The following COL7A1 variants were observed in gnomAD, a reference collection of about 807,000 sequenced individuals.
The protein encoded by COL7A1 is collagen alpha-1(VII) chain.
In COL7A1, 296 loss-of-function variants were observed where a neutral mutation model predicts 456.2. The observed-to-expected ratio is 0.65, with a 90% CI of 0.59 to 0.71. The LOEUF is 0.71. COL7A1 is among the 30% of genes least tolerant of loss of function. The probability of loss-of-function intolerance (pLI) is 0.00; values close to 1 mark genes in which losing one functional copy is unlikely to be tolerated. For missense variants in COL7A1, 3,441 were observed against 4,017.2 expected (o/e 0.86, Z 3.88); for synonymous variants, 1,464 against 1,525.9 (o/e 0.96, Z 0.95).
Position 48,568,457 on chromosome 3 carries a change from C to T in COL7A1, c.7794+42G>A, listed in dbSNP as rs778769357. 3 of 1,577,088 alleles carry T rather than the reference C, an allele frequency of 1.9e-6. No homozygotes were observed. Among genetic ancestry groups the T allele is most frequent in the Non-Finnish European group, 8.6e-7 (1 of 1,156,590 alleles). On this transcript the variant is annotated intron_variant, in intron 105 of 118. Coordinates refer to ENST00000681320, the MANE Select transcript of COL7A1 (RefSeq NM_000094.4). The surrounding 1 kb of genome is among the most constrained non-coding windows in gnomAD (Gnocchi z 5.2). ...TGGGACCACCATGGTGACGGGGGCC[C>T]TCTGGGGACAGGGGGCCCCTGTGGG... is the stretch of plus-strand genomic sequence containing the variant.
chr3:48,568,306 G>C lies in COL7A1; in HGVS notation c.7795-136C>G. 1 of 1,143,456 alleles carries C rather than the reference G, an allele frequency of 8.7e-7. No individual in the cohort carries two copies. The highest frequency in any genetic ancestry group is 2.4e-5 in the East Asian group (1 of 41,276). 70.8% of individuals were successfully genotyped at this position (1,143,456 alleles called of 1,614,324 possible). Reference sequence around the variant, plus strand: ...CCAGAGCCACTGGGGCTTGCCATGGGGACAAGGGTCACCATAGGCAGGGGA... The same window carrying C: ...CCAGAGCCACTGGGGCTTGCCATGGCGACAAGGGTCACCATAGGCAGGGGA... On this transcript the variant is annotated intron_variant, in intron 105 of 118. Coordinates refer to ENST00000681320, the MANE Select transcript of COL7A1 (RefSeq NM_000094.4). This position sits in a 1 kb window ranked among gnomAD's most constrained non-coding sequence, Gnocchi z 5.2.
In COL7A1 at chr3:48,588,346, C is replaced by T. The variant is rs770229628; in HGVS notation, c.2646G>A (p.Ser882=). ...TLHVVQRGEH[S]LRLRWEPVPR... ...GCACCGGCTCCCAGCGCAGCCTCAG[C>T]GAGTGCTCCCCGCGCTGCACCACGT... The change falls in exon 21 of 119, where the codon TCG becomes TCA. Residue 882 remains serine, a synonymous_variant. Transcript: ENST00000681320. The surrounding 1 kb of genome is among the most constrained non-coding windows in gnomAD (Gnocchi z 4.6). 1.9e-5 allele frequency: 30 copies of T among 1,612,602 alleles called. 1 individual carries two copies. Among genetic ancestry groups the T allele is most frequent in the African/African-American group, 6.7e-5 (5 of 74,912 alleles).
intron 44 of COL7A1, 23 bp from the exon 45 acceptor site, chr3:48,582,676 C>G: frequency 6.2e-7 from 1 of 1,612,766 alleles, no homozygotes; most frequent in Non-Finnish European, 8.5e-7. Context: ...AAGGGAAGAG[C>G]TGTGCAGGTG....
At chr3:48,582,410 C>T in intron 46 of COL7A1, 52 bp from the exon 47 acceptor site, 2 of 1,614,086 alleles carry the variant, frequency 1.2e-6, no homozygotes, top group Non-Finnish European at 8.5e-7. Context: ...CCTAGGAGCC[C>T]AAAATCCCAG....
chr3:48,584,846 G>A, intron 34 of COL7A1, 64 bp downstream of exon 34: 6 of 1,613,802 alleles, frequency 3.7e-6, no homozygotes, highest in Non-Finnish European at 5.1e-6. Context: ...ACCACCCCAG[G>A]CTCCCACCCT....
At position 48,580,077 on chromosome 3, in the gene COL7A1, T is replaced by C; in HGVS notation, c.5098-20A>G. On this transcript the variant is annotated intron_variant, in intron 56 of 118. Transcript: ENST00000681320. This position sits in a 1 kb window ranked among gnomAD's most constrained non-coding sequence, Gnocchi z 4.5. Reference sequence around the variant, plus strand: ...GGGACCCTGGGAAAGGAAATGATTATAGTCAATAGGAGCCCTCAGGTCCCA... The same window carrying C: ...GGGACCCTGGGAAAGGAAATGATTACAGTCAATAGGAGCCCTCAGGTCCCA... The C allele has an allele frequency of 1.9e-6, 3 of 1,613,534 alleles. No homozygotes were observed. Among genetic ancestry groups the C allele is most frequent in the East Asian group, 4.5e-5 (2 of 44,856 alleles).
rs1473147731 is a variant in COL7A1, at chr3:48,564,950, G to A, written c.8651C>T (p.Ser2884Phe). The A allele has an allele frequency of 5.6e-6, 9 of 1,614,206 alleles. No individual in the cohort carries two copies. In the Admixed American group the frequency reaches 6.7e-5, roughly 12 times the overall value. The stretch of plus-strand genomic sequence containing the variant: ...CCAGCGCAGGGTGTAGGCAGTGCAG[G>A]AGCCCTCATCCAGTGGCAGGGAACA... ...DPCSLPLDEG[S>F]CTAYTLRWYH... is the part of the protein sequence containing the mutation. Residue 2884 changes from serine (S) to phenylalanine (F), a missense_variant, in exon 118 of 119, where the codon TCC (serine) becomes TTC (phenylalanine). Around this residue, in one of 3 missense-constraint regions of COL7A1, gnomAD observed 2,084 missense variants for 2,501.3 expected, o/e 0.83. Transcript: ENST00000681320. This position sits in a 1 kb window ranked among gnomAD's most constrained non-coding sequence, Gnocchi z 6.0.
In COL7A1 at chr3:48,579,902, G is replaced by C; in HGVS notation, c.5125-88C>G. ...ATACAGGGTCTGTGAGGGGCTCCAG[G>C]GATCCGCGGAGGTTTCAGAGGGACA... On this transcript the variant is annotated intron_variant, in intron 57 of 118. Coordinates refer to ENST00000681320, the MANE Select transcript of COL7A1 (RefSeq NM_000094.4). The surrounding 1 kb of genome is among the most constrained non-coding windows in gnomAD (Gnocchi z 4.4). 6.2e-7 allele frequency: 1 copy of C among 1,609,580 alleles called. No individual in the cohort carries two copies. Among genetic ancestry groups the C allele is most frequent in the Non-Finnish European group, 8.5e-7 (1 of 1,175,978 alleles).
Position 48,567,214 on chromosome 3 carries a change from G to A in COL7A1, c.8047-24C>T, listed in dbSNP as rs2043647393. ...CCCTGGGAACAGAAGAAGCATGAGA[G>A]ACCTTCTGCCCTGACCTCCCTCAGC... On this transcript the variant is annotated intron_variant, in intron 109 of 118. Coordinates refer to ENST00000681320, the MANE Select transcript of COL7A1 (RefSeq NM_000094.4). The surrounding 1 kb of genome is among the most constrained non-coding windows in gnomAD (Gnocchi z 4.3). The A allele has an allele frequency of 6.2e-7, 1 of 1,613,174 alleles. No homozygotes were observed. The highest frequency in any genetic ancestry group is 1.3e-5 in the African/African-American group (1 of 74,882).
rs780594226 is a variant in COL7A1 at position 48,580,889 on chromosome 3, C to T, written c.4973G>A (p.Gly1658Asp). The change falls in exon 54 of 119, where the codon GGC becomes GAC. Residue 1658 changes from glycine (G) to aspartate (D), a missense_variant. Physicochemically the swap from Gly to Asp is moderately conservative, Grantham distance 94. Around this residue, in one of 3 missense-constraint regions of COL7A1, gnomAD observed 2,084 missense variants for 2,501.3 expected, o/e 0.83. Coordinates refer to ENST00000681320, the MANE Select transcript of COL7A1 (RefSeq NM_000094.4). This position sits in a 1 kb window ranked among gnomAD's most constrained non-coding sequence, Gnocchi z 4.5. Reference protein sequence around the residue: ...PGLPGKAGERGLRGAPGVRGP... With the variant: ...PGLPGKAGERDLRGAPGVRGP... ...CTCTCTGCCAAGACTCACCCGAAGG[C>T]CACGCTCGCCTGCTTTTCCAGGCAA... is the stretch of plus-strand genomic sequence containing the variant. The T allele has an allele frequency of 1.2e-6, 2 of 1,614,004 alleles. No individual in the cohort carries two copies. Among genetic ancestry groups the T allele is most frequent in the African/African-American group, 2.7e-5 (2 of 74,904 alleles).
rs2044202825 is a variant in COL7A1, at chr3:48,575,150, T to A, written c.6217-24A>T. On this transcript the variant is annotated intron_variant, in intron 75 of 118. Transcript: ENST00000681320. The surrounding 1 kb of genome is among the most constrained non-coding windows in gnomAD (Gnocchi z 6.3). ...CCCTGCAGGAAACAAGAAAATGGGG[T>A]GGCAGCCCCAGCACAGCCTCCAGAC... 1.9e-6 allele frequency: 3 copies of A among 1,613,178 alleles called. No homozygotes were observed.
In COL7A1 at chr3:48,593,640, C is replaced by T. The variant is rs752101927; in HGVS notation, c.323G>A (p.Arg108His). Residue 108 changes from arginine (R) to histidine (H), a missense_variant, in exon 4 of 119, where the codon CGT (arginine) becomes CAT (histidine). Arg to His is a conservative substitution (Grantham distance 29). Coordinates refer to ENST00000681320, the MANE Select transcript of COL7A1 (RefSeq NM_000094.4). The surrounding 1 kb of genome is among the most constrained non-coding windows in gnomAD (Gnocchi z 4.4). ...GSGGDVIRAI[R>H]ELSYKGGNTR... ...GTTGCCCCCCTTGTAGCTAAGCTCACGGATGGCGCGGATCACATCACCCCC... is the reference window on the plus strand; with the variant it reads ...GTTGCCCCCCTTGTAGCTAAGCTCATGGATGGCGCGGATCACATCACCCCC... 8.1e-6 allele frequency: 13 copies of T among 1,614,204 alleles called. No homozygotes were observed. In the South Asian group the frequency reaches 9.9e-5, roughly 12 times the overall value.
rs567806128 is a variant in COL7A1, at chr3:48,583,738, G to T, written c.4321C>A (p.Pro1441Thr). 1.2e-6 allele frequency: 2 copies of T among 1,614,024 alleles called. No homozygotes were observed. Among genetic ancestry groups the T allele is most frequent in the Non-Finnish European group, 1.7e-6 (2 of 1,179,970 alleles). Residue 1441 changes from proline to threonine, a missense_variant, in exon 40 of 119, where the codon CCT becomes ACT. By Grantham distance (38) the Pro-to-Thr change is conservative. Transcript: ENST00000681320. This position sits in a 1 kb window ranked among gnomAD's most constrained non-coding sequence, Gnocchi z 5.1. ...SPGPQGPVGPPGKKGEKGDSE... is the reference protein window; with the variant it reads ...SPGPQGPVGPTGKKGEKGDSE... ...CCTACTTTTTCTCCTTTCTTTCCAG[G>T]GGGGCCAACGGGGCCTTGGGGTCCA...
At position 48,592,677 on chromosome 3, in the gene COL7A1, G is replaced by A; in HGVS notation, c.869C>T (p.Thr290Ile). ...CCGGAGACCCCGCAGCCGCACACTG[G>A]TCTCACCAGCTGGGACGTTCACCTG... ...RQEVNVPAGE[T>I]SVRLRGLRPL... The change falls in exon 8 of 119, where the codon ACC becomes ATC. Residue 290 changes from threonine (T) to isoleucine (I), a missense_variant. This residue lies in a region of COL7A1 where 913 missense variants were observed against 1,088.2 expected (regional missense o/e 0.84). Coordinates refer to ENST00000681320, the MANE Select transcript of COL7A1 (RefSeq NM_000094.4). The surrounding 1 kb of genome is among the most constrained non-coding windows in gnomAD (Gnocchi z 7.6). 2.5e-6 allele frequency: 4 copies of A among 1,613,588 alleles called. No homozygotes were observed. Among genetic ancestry groups the A allele is most frequent in the Non-Finnish European group, 3.4e-6 (4 of 1,179,948 alleles).
chr3:48,594,992 G>C lies in COL7A1; in HGVS notation c.85+83C>G. 1 of 1,129,092 alleles carries C rather than the reference G, an allele frequency of 8.9e-7. No individual in the cohort carries two copies. Among genetic ancestry groups the C allele is most frequent in the Non-Finnish European group, 1.3e-6 (1 of 778,906 alleles). The allele number at this position is 1,129,092 out of a possible 1,614,324, so 69.9% of individuals were successfully genotyped here. On this transcript the variant is annotated intron_variant, in intron 2 of 118. Coordinates refer to ENST00000681320, the MANE Select transcript of COL7A1 (RefSeq NM_000094.4). The surrounding 1 kb of genome is among the most constrained non-coding windows in gnomAD (Gnocchi z 5.5). ...GTGGAGTTGGCTGGGTTGTGGGCGGGGGGTGTTGGGGATGAAGGCCGAGTG... is the reference window on the plus strand; with the variant it reads ...GTGGAGTTGGCTGGGTTGTGGGCGGCGGGTGTTGGGGATGAAGGCCGAGTG...
chr3:48,586,067 T>A lies in COL7A1; in HGVS notation c.3723+7A>T. 2 of 1,613,506 alleles carry A rather than the reference T, an allele frequency of 1.2e-6. No individual in the cohort carries two copies. The highest frequency in any genetic ancestry group is 1.7e-6 in the Non-Finnish European group (2 of 1,179,992). ...ACCACCCAGTCCCCCAGAGGCCTCT[T>A]CCAAACCTGAGTAGTGAAGGATGCC... On this transcript the variant is annotated splice_region_variant and intron_variant, in intron 28 of 118. Coordinates refer to ENST00000681320, the MANE Select transcript of COL7A1 (RefSeq NM_000094.4). The surrounding 1 kb of genome is among the most constrained non-coding windows in gnomAD (Gnocchi z 5.1).
rs988205748 is a variant in COL7A1, at chr3:48,564,242, A to AG, written c.*163dup. The AG allele has an allele frequency of 1.9e-5, 16 of 833,634 alleles. No homozygotes were observed. The East Asian group carries it at 2.9e-4, about 15-fold the overall frequency. The allele number at this position is 833,634 out of a possible 1,614,324, so 51.6% of individuals were successfully genotyped here. A position where few individuals can be genotyped will look rare whatever the true frequency, so the allele number is the denominator to read the frequency against. On this transcript the variant is annotated 3_prime_UTR_variant, in exon 119 of 119. Coordinates refer to ENST00000681320, the MANE Select transcript of COL7A1 (RefSeq NM_000094.4). This position sits in a 1 kb window ranked among gnomAD's most constrained non-coding sequence, Gnocchi z 6.0. ...GGAGCCACAATGGGGGTTTGTCCACAGGGGGGAAGGCTAGACCCACGGGAC... is the reference window on the plus strand; with the variant it reads ...GGAGCCACAATGGGGGTTTGTCCACAGGGGGGGAAGGCTAGACCCACGGGAC...
Position 48,594,623 on chromosome 3 carries a change from G to T in COL7A1, c.86-75C>A. 6.7e-7 allele frequency: 1 copy of T among 1,497,212 alleles called. No homozygotes were observed. Among genetic ancestry groups the T allele is most frequent in the Non-Finnish European group, 9.0e-7 (1 of 1,112,084 alleles). The allele number at this position is 1,497,212 out of a possible 1,614,324, so 92.7% of individuals were successfully genotyped here. Reference sequence around the variant, plus strand: ...GCCTACCCGCACGGTGGCCTCACTGGGACTTGGGATGGTGGGGAGAGTAGG... The same window carrying T: ...GCCTACCCGCACGGTGGCCTCACTGTGACTTGGGATGGTGGGGAGAGTAGG... On this transcript the variant is annotated intron_variant, in intron 2 of 118. Transcript: ENST00000681320. The surrounding 1 kb of genome is among the most constrained non-coding windows in gnomAD (Gnocchi z 5.5).
chr3:48,590,888 A>G lies in COL7A1; in HGVS notation c.1637-72T>C. 1.3e-6 allele frequency: 2 copies of G among 1,515,148 alleles called. No individual in the cohort carries two copies. The highest frequency in any genetic ancestry group is 1.8e-6 in the Non-Finnish European group (2 of 1,103,058). The allele number at this position is 1,515,148 out of a possible 1,614,324, so 93.9% of individuals were successfully genotyped here. A position where few individuals can be genotyped will look rare whatever the true frequency, so the allele number is the denominator to read the frequency against. ...GGATGTGGGACGATGGCAGTGATGG[A>G]CAGGGACGCAGAGTGAGAAGGGCCA... On this transcript the variant is annotated intron_variant, in intron 13 of 118. Coordinates refer to ENST00000681320, the MANE Select transcript of COL7A1 (RefSeq NM_000094.4). The surrounding 1 kb of genome is among the most constrained non-coding windows in gnomAD (Gnocchi z 4.6).
Sources: allele counts gnomAD v4.1 joint callset, GRCh38; gene constraint gnomAD v4.1.1; regional missense constraint gnomAD v4.1.1; non-coding constraint Gnocchi (gnomAD v3.1); transcripts MANE v1.5; gene names NCBI Gene and HGNC (gene_info 2026-07-23, HGNC 2026-07-21).